COL18A1: variants seen among roughly 807,000 people sequenced by gnomAD.
COL18A1 encodes the protein collagen type XVIII alpha 1 chain.
COL18A1 carries 133 observed loss-of-function variants against 168.0 expected under a neutral mutation model. The ratio of observed to expected loss-of-function variants is 0.79; its 90% CI spans 0.69 to 0.91. The LOEUF (loss-of-function observed/expected upper bound fraction) is 0.91, where lower values mean the gene tolerates loss of function less well. COL18A1 is among the 40% of genes least tolerant of loss of function. The pLI is 0.00. For synonymous variants in COL18A1, 949 were observed against 809.0 expected (o/e 1.17, Z -2.94); for missense variants, 2,126 against 1,925.4 (o/e 1.10, Z -1.95).
chr21:45,473,955 G>C lies in COL18A1; in HGVS notation c.712G>C (p.Asp238His), dbSNP rs1446217780. The C allele has an allele frequency of 1.9e-6, 3 of 1,602,726 alleles. No individual in the cohort carries two copies. Among genetic ancestry groups the C allele is most frequent in the Non-Finnish European group, 2.6e-6 (3 of 1,174,900 alleles). ...DPQVSPMHCL[D>H]EEGDDSDGAS... Reference sequence around the variant, plus strand: ...CCAGGTGAGCCCCATGCACTGCCTGGACGAGGAAGGCGATGACTCAGATGG... The same window carrying C: ...CCAGGTGAGCCCCATGCACTGCCTGCACGAGGAAGGCGATGACTCAGATGG... The change falls in exon 4 of 42, where the codon GAC becomes CAC. Residue 238 changes from aspartate (D) to histidine (H), a missense_variant. Transcript: ENST00000651438. The surrounding 1 kb of genome is among the most constrained non-coding windows in gnomAD (Gnocchi z 4.0).
chr21:45,430,330 A>C (rs1052738334), intron 2 of COL18A1, among the ~76,000 whole-genome samples: 3 of 152,114 alleles, frequency 2.0e-5, no homozygotes, highest in African/African-American at 7.2e-5. Flanking sequence ...TAAGGTTCTG[A>C]ATAGGTCGAA....
chr21:45,464,529 G>A (rs1161554760), intron 2 of COL18A1, among the ~76,000 whole-genome samples: 1 of 152,158 alleles, frequency 6.6e-6, no homozygotes, highest in Admixed American at 6.5e-5. Flanking sequence ...GTAAGAAATT[G>A]CCACAAATTC....
chr21:45,453,341 A>C (rs1437644116), intron 2 of COL18A1, among the ~76,000 whole-genome samples: 1 of 152,244 alleles, frequency 6.6e-6, no homozygotes, highest in Non-Finnish European at 1.5e-5. Context: ...ATAGCTAAGC[A>C]TGCATGTGCA....
At position 45,509,419 on chromosome 21, in the gene COL18A1, C is replaced by T. The variant is rs566518554; in HGVS notation, c.3313C>T (p.Arg1105Trp). ...GCTGCACGACAGCAACCCCTACCCG[C>T]GGCGGGAGCACCCCCACCCCACCGC... Reference protein sequence around the residue: ...VQLHDSNPYPRREHPHPTARP... With the variant: ...VQLHDSNPYPWREHPHPTARP... Residue 1105 changes from arginine to tryptophan, a missense_variant, in exon 39 of 42, where the codon CGG becomes TGG. Arg to Trp is a moderately radical substitution (Grantham distance 101, BLOSUM62 -3). Coordinates refer to ENST00000651438, the MANE Select transcript of COL18A1 (RefSeq NM_001379500.1). 1.4e-5 allele frequency: 22 copies of T among 1,538,544 alleles called. 1 individual carries two copies. The highest frequency in any genetic ancestry group is 9.6e-5 in the African/African-American group (7 of 73,048).
chr21:45,426,773 T>C (rs949344128), intron 2 of COL18A1, among the ~76,000 whole-genome samples: 2 of 152,240 alleles, frequency 1.3e-5, no homozygotes, highest in Non-Finnish European at 1.5e-5. Flanking sequence ...CTGCAGACAC[T>C]TGCCCATTCT....
Position 45,479,945 on chromosome 21 carries a change from T to C in COL18A1, c.1292T>C (p.Val431Ala), listed in dbSNP as rs201414473. The change falls in exon 10 of 42, where the codon GTA becomes GCA. Residue 431 changes from valine (V) to alanine (A), a missense_variant. Coordinates refer to ENST00000651438, the MANE Select transcript of COL18A1 (RefSeq NM_001379500.1). ...PQGFPGTPGD[V>A]GPKGDKGDPG... is the part of the protein sequence containing the mutation. The stretch of plus-strand genomic sequence containing the variant: ...GGCTTCCCCGGGACTCCAGGGGACG[T>C]AGGTCCCAAGGGCGACAAGGTGAGT... 7.0e-5 allele frequency: 113 copies of C among 1,613,664 alleles called. No homozygotes were observed. The African/African-American group carries it at 1.3e-3, about 19-fold the overall frequency.
intron 15 of COL18A1, 109 bp downstream of exon 15, chr21:45,482,930 G>A (rs777822789): frequency 4.6e-6 from 7 of 1,533,666 alleles, no homozygotes; most frequent in Non-Finnish European, 5.4e-6. Flanking sequence ...AGCTCTCTTG[G>A]GGCTGGCCTT....
chr21:45,512,560 A>AAG lies in COL18A1; in HGVS notation c.*165_*166dup. ...ATCCTCAAGAAATAAAAGGAAGCCA[A>AAG]AGAGTGTATTTTTTTAAAAGTTTAA... On this transcript the variant is annotated 3_prime_UTR_variant, in exon 42 of 42. Coordinates refer to ENST00000651438, the MANE Select transcript of COL18A1 (RefSeq NM_001379500.1). 1 of 691,120 alleles carries AAG rather than the reference A, an allele frequency of 1.4e-6. No individual in the cohort carries two copies. The highest frequency in any genetic ancestry group is 4.0e-4 in the Middle Eastern group (1 of 2,510). The allele number at this position is 691,120 out of a possible 1,614,324, so 42.8% of individuals were successfully genotyped here. A position where few individuals can be genotyped will look rare whatever the true frequency, so the allele number is the denominator to read the frequency against.
chr21:45,433,533 C>T (rs928993445), intron 2 of COL18A1, among the ~76,000 whole-genome samples: 2 of 152,202 alleles, frequency 1.3e-5, no homozygotes, highest in Non-Finnish European at 2.9e-5. Context: ...AGATGCCGGC[C>T]CAGGGCCTGC....
chr21:45,508,180 T>G (rs1030566373), intron 38 of COL18A1, among the ~76,000 whole-genome samples: 5 of 135,428 alleles, frequency 3.7e-5, no homozygotes, highest in Non-Finnish European at 7.8e-5. Flanking sequence ...GCTGGGGAGA[T>G]GGATGGATGG....
At chr21:45,491,486 C>T (rs971722834) in intron 22 of COL18A1, among the ~76,000 whole-genome samples, 172 bp downstream of exon 22, 12 of 150,748 alleles carry the variant, frequency 8.0e-5, no homozygotes, top group African/African-American at 2.9e-4. Flanking sequence ...CGGTCAGAGA[C>T]GCCTGGGGAG....
chr21:45,505,987 G>A (rs1426791463), intron 37 of COL18A1, 21 bp downstream of exon 37: 11 of 1,612,936 alleles, frequency 6.8e-6, no homozygotes, highest in Non-Finnish European at 8.5e-6. Flanking sequence ...TGTGTGACGG[G>A]TTCTGGACCC....
intron 2 of COL18A1, chr21:45,456,034 C>G (rs1228785355): frequency 6.2e-7 from 1 of 1,609,356 alleles, no homozygotes; most frequent in Non-Finnish European, 8.5e-7. Context: ...GGACCACTCT[C>G]TGGCCCAGCC....
chr21:45,498,631 G>A lies in COL18A1; in HGVS notation c.2683+970G>A, dbSNP rs1414589211. On this transcript the variant is annotated intron_variant, in intron 32 of 41. Transcript: ENST00000651438. This position sits in a 1 kb window ranked among gnomAD's most constrained non-coding sequence, Gnocchi z 4.5. ...TTAAGGCCTGTGGAGGCAAAGGCAG[G>A]CAGAAAGCAAGCGGGAAGATGGAAG... is the stretch of plus-strand genomic sequence containing the variant. 2.8e-6 allele frequency: 2 copies of A among 702,734 alleles called. No homozygotes were observed. The highest frequency in any genetic ancestry group is 1.8e-5 in the African/African-American group (1 of 56,726). 43.5% of individuals were successfully genotyped at this position (702,734 alleles called of 1,614,324 possible). A position where few individuals can be genotyped will look rare whatever the true frequency, so the allele number is the denominator to read the frequency against.
At chr21:45,497,837 G>A in intron 32 of COL18A1, 176 bp downstream of exon 32, 1 of 821,634 alleles carries the variant, frequency 1.2e-6, no homozygotes, top group Non-Finnish European at 1.9e-6. Flanking sequence ...ATAGGACCTG[G>A]ATTTGGGGGC....
chr21:45,494,248 T>TCCCCC, intron 26 of COL18A1: 1 of 472,544 alleles, frequency 2.1e-6, no homozygotes, highest in Non-Finnish European at 3.9e-6. Flanking sequence ...GCACATGCCC[T>TCCCCC]CCACCCTCCA....
intron 2 of COL18A1, among the ~76,000 whole-genome samples, chr21:45,441,655 G>A (rs748184216): frequency 2.0e-4 from 31 of 152,224 alleles, no homozygotes; most frequent in Non-Finnish European, 3.8e-4. Context: ...ACAGAACACG[G>A]CCGTGAGCTT....
intron 2 of COL18A1, among the ~76,000 whole-genome samples, chr21:45,458,114 G>C (rs1024345724): frequency 1.4e-5 from 2 of 147,314 alleles, no homozygotes; most frequent in South Asian, 4.5e-4. Flanking sequence ...GGGAGGGAGG[G>C]AGGGAGGGAG....
At chr21:45,466,470 C>T (rs372463852) in intron 2 of COL18A1, among the ~76,000 whole-genome samples, 41 of 150,872 alleles carry the variant, frequency 2.7e-4, no homozygotes, top group African/African-American at 9.9e-4. Flanking sequence ...CTCTCGCACC[C>T]GGGAAGGCTG....
Sources: allele counts gnomAD v4.1 joint callset (sites outside exome capture counted in the v4.1 genomes callset), GRCh38; gene constraint gnomAD v4.1.1; non-coding constraint Gnocchi (gnomAD v3.1); transcripts MANE v1.5; gene names NCBI Gene and HGNC (gene_info 2026-07-23, HGNC 2026-07-21).